TSPEAR: variants seen among roughly 807,000 people sequenced by gnomAD.
TSPEAR encodes the protein thrombospondin type laminin G domain and EAR repeats.
A neutral mutation model predicts 71.6 loss-of-function variants in TSPEAR; 69 were observed. The observed-to-expected ratio is 0.96, with a 90% CI of 0.79 to 1.18. The LOEUF (loss-of-function observed/expected upper bound fraction) is 1.18. Ranked by LOEUF, TSPEAR falls within the 50% of genes most tolerant of loss-of-function variation. The pLI is 0.00. For synonymous variants in TSPEAR, 402 were observed against 387.2 expected, an observed-to-expected ratio of 1.04 and a Z score of -0.45; for missense variants, 971 against 894.9, an observed-to-expected ratio of 1.09 and a Z score of -1.09.
At chr21:44,651,578 C>T (rs1377048298) in intron 1 of TSPEAR, among the ~76,000 whole-genome samples, 2 of 152,156 alleles carry the variant, frequency 1.3e-5, no homozygotes, top group Non-Finnish European at 2.9e-5. Context: ...GCATCTCACT[C>T]ACACCTGCCA....
intron 1 of TSPEAR, among the ~76,000 whole-genome samples, chr21:44,626,569 C>A (rs1982797617): frequency 6.6e-6 from 1 of 152,194 alleles, no homozygotes; most frequent in African/African-American, 2.4e-5. Context: ...GGAACAGAGT[C>A]CTGCTGCCTC....
In TSPEAR at chr21:44,578,528, C is replaced by T. The variant is rs79698059; in HGVS notation, c.83-10523G>A. 2.4e-3 allele frequency among the ~76,000 whole-genome samples: 372 copies of T among 152,262 alleles called. 5 individuals are homozygous for T. Among genetic ancestry groups the T allele is most frequent in the Middle Eastern group, 0.024 (7 of 294 alleles). On this transcript the variant is annotated intron_variant, in intron 1 of 11. Coordinates refer to ENST00000323084, the MANE Select transcript of TSPEAR (RefSeq NM_144991.3). ...AACCGTGGGGTAGACACAGTGTCGG[C>T]GAGGGTGCTAGGGATTAGGGGACGG... is the stretch of plus-strand genomic sequence containing the variant.
chr21:44,702,281 C>T (rs1163896568), intron 1 of TSPEAR: 2 of 1,608,838 alleles, frequency 1.2e-6, no homozygotes, highest in Non-Finnish European at 1.7e-6. Context: ...TGCTGCGAGC[C>T]CCCCTGCTGC....
intron 1 of TSPEAR, chr21:44,702,759 G>C: frequency 7.4e-7 from 1 of 1,354,572 alleles, no homozygotes; most frequent in East Asian, 2.3e-5. Flanking sequence ...GCTCCCACCT[G>C]GCCTGCTGAG....
rs138174372 is a variant in TSPEAR at position 44,540,574 on chromosome 21, C to T, written c.304-6651G>A. On this transcript the variant is annotated intron_variant, in intron 2 of 11. Transcript: ENST00000323084. ...GGGTGAGAGCTGTCCCACTCACGAT[C>T]GTGGGGGCGTCTCCTCCCTAAAGCG... is the stretch of plus-strand genomic sequence containing the variant. Among the ~76,000 whole-genome samples the T allele has an allele frequency of 2.0e-3, 302 of 152,290 alleles. 5 individuals are homozygous for T. Among genetic ancestry groups the T allele is most frequent in the Middle Eastern group, 0.014 (4 of 294 alleles).
chr21:44,700,529 G>A (rs1034877817), intron 1 of TSPEAR, among the ~76,000 whole-genome samples: 33 of 152,322 alleles, frequency 2.2e-4, no homozygotes, highest in East Asian at 1.5e-3. Flanking sequence ...TGGAGGCCCC[G>A]GGGGTGCCGC....
At chr21:44,549,088 C>T (rs1009883031) in intron 2 of TSPEAR, among the ~76,000 whole-genome samples, 1 of 152,228 alleles carries the variant, frequency 6.6e-6, no homozygotes, top group Non-Finnish European at 1.5e-5. Flanking sequence ...GCAAATCCTG[C>T]CCCTGTGCCC....
chr21:44,654,186 G>T, intron 1 of TSPEAR: 1 of 1,049,802 alleles, frequency 9.5e-7, no homozygotes, highest in Non-Finnish European at 1.4e-6. Flanking sequence ...ACAGTTTGCT[G>T]TGGGAGGATG....
At chr21:44,707,685 C>G (rs924496477) in intron 1 of TSPEAR, among the ~76,000 whole-genome samples, 3 of 152,100 alleles carry the variant, frequency 2.0e-5, no homozygotes, top group Non-Finnish European at 4.4e-5. Context: ...CCAGAGTGAC[C>G]GCCTGGCTCG....
rs1439599381 is a variant in TSPEAR at position 44,710,927 on chromosome 21, G to T, written c.82+506C>A. On this transcript the variant is annotated intron_variant, in intron 1 of 11. Coordinates refer to ENST00000323084, the MANE Select transcript of TSPEAR (RefSeq NM_144991.3). The surrounding 1 kb of genome is among the most constrained non-coding windows in gnomAD (Gnocchi z 4.6). ...GAACCGAGCCCTTCACTCCAGAGGT[G>T]GTTGTGTTTGGGGCTGTGTCTGTGT... 6.6e-6 allele frequency among the ~76,000 whole-genome samples: 1 copy of T among 152,250 alleles called. No homozygotes were observed. The highest frequency in any genetic ancestry group is 1.5e-5 in the Non-Finnish European group (1 of 68,048).
intron 1 of TSPEAR, among the ~76,000 whole-genome samples, chr21:44,661,060 G>A (rs1985459921): frequency 6.6e-6 from 1 of 152,170 alleles, no homozygotes; most frequent in African/African-American, 2.4e-5. Context: ...GGGAGGCCGA[G>A]GCAAGCAGAT....
chr21:44,612,988 C>T lies in TSPEAR; in HGVS notation c.83-44983G>A. 6.8e-7 allele frequency: 1 copy of T among 1,475,970 alleles called. No homozygotes were observed. Among genetic ancestry groups the T allele is most frequent in the Non-Finnish European group, 9.2e-7 (1 of 1,087,906 alleles). The allele number at this position is 1,475,970 out of a possible 1,614,324, so 91.4% of individuals were successfully genotyped here. A position where few individuals can be genotyped will look rare whatever the true frequency, so the allele number is the denominator to read the frequency against. ...TGGCTGCCCCTACCTGGGATGGGGTCTCCATGTCTCCCCTGTGCTGAGGTG... is the reference window on the plus strand; with the variant it reads ...TGGCTGCCCCTACCTGGGATGGGGTTTCCATGTCTCCCCTGTGCTGAGGTG... On this transcript the variant is annotated intron_variant, in intron 1 of 11. Transcript: ENST00000323084. The surrounding 1 kb of genome is among the most constrained non-coding windows in gnomAD (Gnocchi z 4.1).
intron 1 of TSPEAR, 76 bp from the exon 2 acceptor site, chr21:44,568,081 G>C (rs782374440): frequency 1.8e-5 from 21 of 1,191,266 alleles, no homozygotes; most frequent in Non-Finnish European, 2.4e-5. Context: ...CAACATGTAT[G>C]GGGCATCAGC....
chr21:44,618,342 C>A (rs912860102), intron 1 of TSPEAR, among the ~76,000 whole-genome samples: 1 of 152,212 alleles, frequency 6.6e-6, no homozygotes, highest in Non-Finnish European at 1.5e-5. Context: ...GAGGCCTCCC[C>A]AGCCATGTGA....
intron 1 of TSPEAR, among the ~76,000 whole-genome samples, chr21:44,577,276 GA>G (rs782611538): frequency 1.3e-5 from 2 of 152,138 alleles, no homozygotes; most frequent in Non-Finnish European, 2.9e-5. Context: ...AAATAATCAA[GA>G]ATTTAAAAAC....
Position 44,581,840 on chromosome 21 carries a change from C to T in TSPEAR, c.83-13835G>A, listed in dbSNP as rs587664125. On this transcript the variant is annotated intron_variant, in intron 1 of 11. Transcript: ENST00000323084. Reference sequence around the variant, plus strand: ...TCAGTTAAGCTCTGCTCATTGGTGGCAGTTCATTTGATTTTCTGAGTAAAA... The same window carrying T: ...TCAGTTAAGCTCTGCTCATTGGTGGTAGTTCATTTGATTTTCTGAGTAAAA... 5.9e-5 allele frequency among the ~76,000 whole-genome samples: 9 copies of T among 152,270 alleles called. No homozygotes were observed. In the South Asian group the frequency reaches 1.9e-3, roughly 32 times the overall value.
At chr21:44,559,551 G>T (rs782485995) in intron 2 of TSPEAR, among the ~76,000 whole-genome samples, 1 of 152,132 alleles carries the variant, frequency 6.6e-6, no homozygotes, top group Non-Finnish European at 1.5e-5. Flanking sequence ...TGGTGTCCTT[G>T]GGAGCTCCAA....
At chr21:44,704,249 A>ACC (rs146556832) in intron 1 of TSPEAR, among the ~76,000 whole-genome samples, 12,695 of 147,060 alleles carry the variant, frequency 0.086, 549 homozygotes, top group South Asian at 0.13. Flanking sequence ...TGGGTACCCC[A>ACC]CCCCCCCACC....
Position 44,612,116 on chromosome 21 carries a change from T to C in TSPEAR, c.83-44111A>G. ...AGCACCCACCATGGCTGACGCCTGCTGCACCAGGACGTATGTGATTGCTGC... is the reference window on the plus strand; with the variant it reads ...AGCACCCACCATGGCTGACGCCTGCCGCACCAGGACGTATGTGATTGCTGC... On this transcript the variant is annotated intron_variant, in intron 1 of 11. Transcript: ENST00000323084. The surrounding 1 kb of genome is among the most constrained non-coding windows in gnomAD (Gnocchi z 4.1). 1 of 1,613,844 alleles carries C rather than the reference T, an allele frequency of 6.2e-7. No individual in the cohort carries two copies. Among genetic ancestry groups the C allele is most frequent in the Non-Finnish European group, 8.5e-7 (1 of 1,179,836 alleles).
Sources: allele counts gnomAD v4.1 joint callset (sites outside exome capture counted in the v4.1 genomes callset), GRCh38; gene constraint gnomAD v4.1.1; non-coding constraint Gnocchi (gnomAD v3.1); transcripts MANE v1.5; gene names NCBI Gene and HGNC (gene_info 2026-07-23, HGNC 2026-07-21).